MACROD2: variants seen among roughly 807,000 people sequenced by gnomAD.
The protein encoded by MACROD2 is ADP-ribose glycohydrolase MACROD2.
In MACROD2, 36 loss-of-function variants were observed where a neutral mutation model predicts 70.4. The observed-to-expected ratio is 0.51, with a 90% CI of 0.39 to 0.68. MACROD2 has a LOEUF of 0.68. Among genes scored for constraint, MACROD2 ranks in the 30% least tolerant of loss-of-function variants. MACROD2 has a pLI of 0.00. For synonymous variants in MACROD2, 172 were observed against 178.8 expected (o/e 0.96, Z 0.30); for missense variants, 496 against 538.4 (o/e 0.92, Z 0.78).
At chr20:14,343,903 G>C (rs1363255244) in intron 3 of MACROD2, among the ~76,000 whole-genome samples, 2 of 152,226 alleles carry the variant, frequency 1.3e-5, no homozygotes, top group Non-Finnish European at 2.9e-5. Flanking sequence ...TTGGACCAAA[G>C]TGGTCGTCAT....
chr20:14,085,642 C>T lies in MACROD2; in HGVS notation c.185C>T (p.Ser62Phe). Reference protein sequence around the residue: ...QNDEENTQETSQVKKSLTEKV... With the variant: ...QNDEENTQETFQVKKSLTEKV... Reference sequence around the variant, plus strand: ...ACAGAAGAAAATACTCAGGAAACATCCCAGGTGAAGAAAAGTTTGACTGAA... The same window carrying T: ...ACAGAAGAAAATACTCAGGAAACATTCCAGGTGAAGAAAAGTTTGACTGAA... The change falls in exon 3 of 18, where the codon TCC becomes TTC. Residue 62 changes from serine to phenylalanine, a missense_variant. Coordinates refer to ENST00000684519, the MANE Select transcript of MACROD2 (RefSeq NM_001351661.2). 1 of 1,575,778 alleles carries T rather than the reference C, an allele frequency of 6.3e-7. No individual in the cohort carries two copies. Among genetic ancestry groups the T allele is most frequent in the South Asian group, 1.2e-5 (1 of 82,212 alleles).
chr20:14,948,652 G>C (rs2074451960), intron 5 of MACROD2, among the ~76,000 whole-genome samples: 1 of 152,126 alleles, frequency 6.6e-6, no homozygotes, highest in Admixed American at 6.6e-5. Flanking sequence ...CTCTAAAATA[G>C]GCCTCCCTGG....
intron 3 of MACROD2, among the ~76,000 whole-genome samples, chr20:14,457,571 C>T (rs2084318119): frequency 6.6e-6 from 1 of 152,086 alleles, no homozygotes; most frequent in South Asian, 2.1e-4. Context: ...TGTACACACT[C>T]CCCCCGTACA....
At chr20:14,583,797 A>C (rs1192427277) in intron 4 of MACROD2, among the ~76,000 whole-genome samples, 1 of 152,206 alleles carries the variant, frequency 6.6e-6, no homozygotes, top group Admixed American at 6.5e-5. Context: ...TATAAATAGA[A>C]ACCTAATTCT....
intron 3 of MACROD2, among the ~76,000 whole-genome samples, chr20:14,309,618 T>C (rs1312222096): frequency 1.3e-5 from 2 of 152,156 alleles, no homozygotes; most frequent in Non-Finnish European, 2.9e-5. Context: ...TATGTTTAAG[T>C]CTATTTTATT....
At chr20:14,440,083 A>G (rs1432231259) in intron 3 of MACROD2, among the ~76,000 whole-genome samples, 1 of 152,274 alleles carries the variant, frequency 6.6e-6, no homozygotes, top group Non-Finnish European at 1.5e-5. Flanking sequence ...AAGGGAAAAT[A>G]TTGAAGATAG....
At chr20:14,480,621 A>G (rs775354594) in intron 3 of MACROD2, among the ~76,000 whole-genome samples, 14 of 152,160 alleles carry the variant, frequency 9.2e-5, no homozygotes, top group Non-Finnish European at 1.8e-4. Flanking sequence ...TCTGAGATTA[A>G]TATCAGTGCT....
intron 8 of MACROD2, among the ~76,000 whole-genome samples, chr20:15,553,079 C>T (rs187409770): frequency 9.2e-5 from 14 of 152,290 alleles, no homozygotes; most frequent in African/African-American, 2.6e-4. Flanking sequence ...AGGGGAAGTG[C>T]ACAGGAAATT....
At chr20:15,405,478 C>T (rs755816804) in intron 6 of MACROD2, among the ~76,000 whole-genome samples, 1 of 152,162 alleles carries the variant, frequency 6.6e-6, no homozygotes, top group Non-Finnish European at 1.5e-5. Flanking sequence ...GATTTCCTCT[C>T]AGATGAGGAT....
intron 6 of MACROD2, among the ~76,000 whole-genome samples, chr20:15,250,865 T>A (rs1354695880): frequency 3.9e-5 from 6 of 152,220 alleles, no homozygotes; most frequent in Non-Finnish European, 8.8e-5. Flanking sequence ...AATTATTGGA[T>A]CCATAATTGA....
chr20:15,898,929 A>C (rs1443183594), intron 10 of MACROD2, among the ~76,000 whole-genome samples: 2 of 151,896 alleles, frequency 1.3e-5, no homozygotes, highest in Non-Finnish European at 2.9e-5. Context: ...TATAGTATGT[A>C]TATGTGTATA....
chr20:14,317,257 A>G (rs1338657347), intron 3 of MACROD2, among the ~76,000 whole-genome samples: 1 of 152,054 alleles, frequency 6.6e-6, no homozygotes, highest in Non-Finnish European at 1.5e-5. Context: ...CACTCATAGC[A>G]CCATGTTTTT....
At chr20:14,656,440 A>G (rs1047588078) in intron 4 of MACROD2, among the ~76,000 whole-genome samples, 6 of 152,242 alleles carry the variant, frequency 3.9e-5, no homozygotes, top group Admixed American at 1.3e-4. Context: ...CCATGACACC[A>G]TATAAAACAG....
At chr20:15,920,581 C>A (rs2065389026) in intron 10 of MACROD2, among the ~76,000 whole-genome samples, 1 of 152,084 alleles carries the variant, frequency 6.6e-6, no homozygotes, top group Non-Finnish European at 1.5e-5. Flanking sequence ...TTCTCATGGT[C>A]ACTGTAAGCC....
intron 1 of MACROD2, among the ~76,000 whole-genome samples, chr20:14,001,361 A>G (rs1046293523): frequency 1.3e-5 from 2 of 152,208 alleles, no homozygotes; most frequent in African/African-American, 4.8e-5. Flanking sequence ...TGCAATTTGT[A>G]AAATATTTTC....
At chr20:14,189,513 G>T (rs1212849567) in intron 3 of MACROD2, among the ~76,000 whole-genome samples, 1 of 152,082 alleles carries the variant, frequency 6.6e-6, no homozygotes, top group Non-Finnish European at 1.5e-5. Context: ...CTCAGATGAG[G>T]TTTAAATTAG....
rs184886511 is a variant in MACROD2, at chr20:14,961,144, A to G, written c.419-268796A>G. ...ATCTGTGTTGTGAAAATGTGTGTGT[A>G]GGCATGTATGCAACATTGCAAAAAA... is the stretch of plus-strand genomic sequence containing the variant. On this transcript the variant is annotated intron_variant, in intron 5 of 17. Transcript: ENST00000684519. Among the ~76,000 whole-genome samples the G allele has an allele frequency of 4.6e-5, 7 of 152,314 alleles. No homozygotes were observed. The East Asian group carries it at 9.6e-4, about 21-fold the overall frequency.
intron 2 of MACROD2, among the ~76,000 whole-genome samples, chr20:14,026,090 A>G (rs1399820500): frequency 6.6e-6 from 1 of 152,134 alleles, no homozygotes; most frequent in African/African-American, 2.4e-5. Flanking sequence ...TCCCTTTACC[A>G]TTATGTAATG....
At position 15,715,064 on chromosome 20, in the gene MACROD2, T is replaced by G. The variant is rs142605267; in HGVS notation, c.646-147681T>G. The stretch of plus-strand genomic sequence containing the variant: ...GGAAAATGCCAGTTAAGATGTTGTT[T>G]AGGAAGCAATACCAAGGGTTCACAG... On this transcript the variant is annotated intron_variant, in intron 8 of 17. Coordinates refer to ENST00000684519, the MANE Select transcript of MACROD2 (RefSeq NM_001351661.2). Among the ~76,000 whole-genome samples, 10 of 152,312 alleles carry G rather than the reference T, an allele frequency of 6.6e-5. No individual in the cohort carries two copies. The East Asian group carries it at 1.9e-3, about 29-fold the overall frequency.
Sources: allele counts gnomAD v4.1 joint callset (sites outside exome capture counted in the v4.1 genomes callset), GRCh38; gene constraint gnomAD v4.1.1; transcripts MANE v1.5; gene names NCBI Gene and HGNC (gene_info 2026-07-23, HGNC 2026-07-21).